Variants in SAMM50 observed in about 807,000 individuals in gnomAD.
The protein encoded by SAMM50 is SAMM50 sorting and assembly machinery component.
A neutral mutation model predicts 66.9 loss-of-function variants in SAMM50; 47 were observed. The observed-to-expected ratio is 0.70, with a 90% CI of 0.56 to 0.90. The LOEUF (loss-of-function observed/expected upper bound fraction) is 0.90, where lower values mean the gene tolerates loss of function less well. Ranked by LOEUF, SAMM50 falls within the 40% of genes least tolerant of loss-of-function variation. The pLI is 0.00. For synonymous variants in SAMM50, 191 were observed against 214.1 expected (o/e 0.89, Z 0.94); for missense variants, 535 against 595.3 (o/e 0.90, Z 1.05).
intron 14 of SAMM50, among the ~76,000 whole-genome samples, chr22:43,993,280 G>A (rs1422685841): frequency 6.6e-6 from 1 of 152,242 alleles, no homozygotes; most frequent in Non-Finnish European, 1.5e-5. Flanking sequence ...GCACGTCTCG[G>A]GCAGGGAGGG....
intron 1 of SAMM50, among the ~76,000 whole-genome samples, chr22:43,959,507 TACACACACACACAC>T (rs138315774): frequency 5.1e-5 from 7 of 138,490 alleles, no homozygotes; most frequent in African/African-American, 1.7e-4. Context: ...TTTTTTATAT[TACACACACACACAC>T]ACACACACAC....
intron 8 of SAMM50, 91 bp downstream of exon 8, chr22:43,976,274 C>A: frequency 6.9e-7 from 1 of 1,459,742 alleles, no homozygotes; most frequent in East Asian, 2.3e-5. Context: ...TCAGGGCTGA[C>A]TGAGAAGCGT....
At chr22:43,980,151 T>TCCAC (rs2050256788) in intron 10 of SAMM50, among the ~76,000 whole-genome samples, 1 of 18,104 alleles carries the variant, frequency 5.5e-5, no homozygotes, top group Non-Finnish European at 9.9e-5. Flanking sequence ...CATCCATCCA[T>TCCAC]CCATCCATCC....
At chr22:43,964,743 G>A (rs2050164485) in intron 3 of SAMM50, among the ~76,000 whole-genome samples, 190 bp downstream of exon 3, 1 of 152,158 alleles carries the variant, frequency 6.6e-6, no homozygotes, top group African/African-American at 2.4e-5. Flanking sequence ...CAAACTCCAT[G>A]TATTCGCATT....
chr22:43,973,802 G>A (rs1421740466), intron 7 of SAMM50, among the ~76,000 whole-genome samples: 1 of 152,084 alleles, frequency 6.6e-6, no homozygotes, highest in Non-Finnish European at 1.5e-5. Context: ...AGTAGAGATG[G>A]CGGTTTCCTT....
At position 43,996,482 on chromosome 22, in the gene SAMM50, C is replaced by T. The variant is rs1234197099; in HGVS notation, c.*99C>T. The T allele has an allele frequency of 5.4e-6, 6 of 1,113,848 alleles. No homozygotes were observed. In the South Asian group the frequency reaches 7.4e-5, roughly 14 times the overall value. The allele number at this position is 1,113,848 out of a possible 1,614,324, so 69.0% of individuals were successfully genotyped here. A position where few individuals can be genotyped will look rare whatever the true frequency, so the allele number is the denominator to read the frequency against. On this transcript the variant is annotated 3_prime_UTR_variant, in exon 15 of 15. Transcript: ENST00000350028. ...GAAACGCGGTTCAGCGATTCTTTGA[C>T]TGCGGACCCTGTGGGAAACCCCGTC...
Position 43,972,319 on chromosome 22 carries a change from G to C in SAMM50, c.406G>C (p.Val136Leu). 6.2e-7 allele frequency: 1 copy of C among 1,601,882 alleles called. No homozygotes were observed. Among genetic ancestry groups the C allele is most frequent in the Non-Finnish European group, 8.5e-7 (1 of 1,174,992 alleles). Reference protein sequence around the residue: ...RRLTGSYNTMVGNNEGSMVLG... With the variant: ...RRLTGSYNTMLGNNEGSMVLG... ...ATTAACGGGCAGTTATAACACCATG[G>C]TTGGAAACAATGAAGGCAGTATGGT... Residue 136 changes from valine to leucine, a missense_variant, in exon 5 of 15, where the codon GTT becomes CTT. By Grantham distance (32) the Val-to-Leu change is conservative. Transcript: ENST00000350028.
rs1324136889 is a variant in SAMM50 at position 43,991,304 on chromosome 22, G to A, written c.1364+898G>A. On this transcript the variant is annotated intron_variant, in intron 14 of 14. Coordinates refer to ENST00000350028, the MANE Select transcript of SAMM50 (RefSeq NM_015380.5). ...TTTTTTTTTTTTTTTTTTGAGACTC[G>A]GTCTTTCTCTGTCACCCAGCTGGAG... is the stretch of plus-strand genomic sequence containing the variant. Among the ~76,000 whole-genome samples, 6 of 135,150 alleles carry A rather than the reference G, an allele frequency of 4.4e-5. No homozygotes were observed. In the East Asian group the frequency reaches 8.5e-4, roughly 19 times the overall value. The allele number at this position is 135,150 out of a possible 152,430, so 88.7% of individuals were successfully genotyped here.
Position 43,978,018 on chromosome 22 carries a change from A to G in SAMM50, c.936+60A>G, listed in dbSNP as rs1470400201. The G allele has an allele frequency of 3.6e-6, 4 of 1,119,374 alleles. No homozygotes were observed. The African/African-American group carries it at 4.6e-5, about 13-fold the overall frequency. 69.3% of individuals were successfully genotyped at this position (1,119,374 alleles called of 1,614,324 possible). A position where few individuals can be genotyped will look rare whatever the true frequency, so the allele number is the denominator to read the frequency against. Reference sequence around the variant, plus strand: ...CAGCCCTTACTTTGGGGATCTTACCACAGAATCTTAGCTCCTGAATATCTA... The same window carrying G: ...CAGCCCTTACTTTGGGGATCTTACCGCAGAATCTTAGCTCCTGAATATCTA... On this transcript the variant is annotated intron_variant, in intron 10 of 14. Coordinates refer to ENST00000350028, the MANE Select transcript of SAMM50 (RefSeq NM_015380.5).
rs1314821093 is a variant in SAMM50, at chr22:43,983,012, T to C, written c.1008-921T>C. On this transcript the variant is annotated intron_variant, in intron 11 of 14. Transcript: ENST00000350028. The surrounding 1 kb of genome is among the most constrained non-coding windows in gnomAD (Gnocchi z 4.2). ...AATGGGGTATTCAGAAAAGCCTTGCTTAGAAATCCCAAGTAGTAAAAACAT... is the reference window on the plus strand; with the variant it reads ...AATGGGGTATTCAGAAAAGCCTTGCCTAGAAATCCCAAGTAGTAAAAACAT... 6.6e-6 allele frequency among the ~76,000 whole-genome samples: 1 copy of C among 152,244 alleles called. No individual in the cohort carries two copies. The highest frequency in any genetic ancestry group is 1.5e-5 in the Non-Finnish European group (1 of 68,038).
chr22:43,970,442 TG>T (rs1216313346), intron 4 of SAMM50, among the ~76,000 whole-genome samples: 1 of 152,164 alleles, frequency 6.6e-6, no homozygotes, highest in Admixed American at 6.5e-5. Flanking sequence ...ATTCCAGTAT[TG>T]GAGGAGCACA....
At chr22:43,973,152 C>T (rs1412685721) in intron 6 of SAMM50, 84 bp from the exon 7 acceptor site, 7 of 1,315,500 alleles carry the variant, frequency 5.3e-6, no homozygotes, top group Non-Finnish European at 7.6e-6. Context: ...GCCCTACGGG[C>T]GTAGTGTTAA....
intron 1 of SAMM50, among the ~76,000 whole-genome samples, chr22:43,958,112 CTTCA>C (rs1270022756): frequency 6.6e-6 from 1 of 152,212 alleles, no homozygotes; most frequent in African/African-American, 2.4e-5. Flanking sequence ...CACTATTGCA[CTTCA>C]TTCCCCCTCC....
intron 1 of SAMM50, among the ~76,000 whole-genome samples, chr22:43,956,095 A>C (rs558715456): frequency 6.6e-6 from 1 of 152,238 alleles, no homozygotes; most frequent in East Asian, 1.9e-4. Context: ...TCCTGTTTTA[A>C]AGTGGAGGTA....
chr22:43,983,088 T>C lies in SAMM50; in HGVS notation c.1008-845T>C, dbSNP rs2050273133. Among the ~76,000 whole-genome samples, 1 of 152,252 alleles carries C rather than the reference T, an allele frequency of 6.6e-6. No homozygotes were observed. The highest frequency in any genetic ancestry group is 6.5e-5 in the Admixed American group (1 of 15,288). Reference sequence around the variant, plus strand: ...AAAATGAAAAAATTCATAAAGGCTTTTATTTGGTAGGAAAACCAGAAAAAG... The same window carrying C: ...AAAATGAAAAAATTCATAAAGGCTTCTATTTGGTAGGAAAACCAGAAAAAG... On this transcript the variant is annotated intron_variant, in intron 11 of 14. Transcript: ENST00000350028. The surrounding 1 kb of genome is among the most constrained non-coding windows in gnomAD (Gnocchi z 4.2).
chr22:43,971,323 G>T (rs114527819), intron 4 of SAMM50, among the ~76,000 whole-genome samples: 2,247 of 152,290 alleles, frequency 0.015, 64 homozygotes, highest in African/African-American at 0.052. Flanking sequence ...GGCAGGAGTC[G>T]CCTTTCCTTC....
intron 4 of SAMM50, among the ~76,000 whole-genome samples, chr22:43,969,634 G>A (rs1168151526): frequency 1.3e-5 from 2 of 152,248 alleles, no homozygotes; most frequent in Admixed American, 6.5e-5. Context: ...CCCTGAAGGG[G>A]CGATGTCTGA....
intron 1 of SAMM50, among the ~76,000 whole-genome samples, chr22:43,956,531 T>C (rs1448466169): frequency 6.6e-6 from 1 of 152,236 alleles, no homozygotes; most frequent in Non-Finnish European, 1.5e-5. Context: ...GGTCTGTTGC[T>C]CAGTGTGCTC....
chr22:43,958,659 A>G (rs1318568711), intron 1 of SAMM50, among the ~76,000 whole-genome samples: 1 of 151,744 alleles, frequency 6.6e-6, no homozygotes, highest in Non-Finnish European at 1.5e-5. Flanking sequence ...TTGTATTTTT[A>G]GTAGAGACAG....
Sources: gnomAD v4.1 joint callset for allele counts (sites outside exome capture counted in the v4.1 genomes callset) on GRCh38, gnomAD v4.1.1 for gene constraint, Gnocchi (gnomAD v3.1) non-coding constraint, MANE v1.5 for transcripts, NCBI Gene and HGNC (gene_info 2026-07-23, HGNC 2026-07-21) for gene names.